The following MSI1 variants were observed in gnomAD, a reference collection of about 807,000 sequenced individuals.
MSI1 encodes the protein musashi RNA binding protein 1.
In MSI1, 15 loss-of-function variants were observed where a neutral mutation model predicts 54.4. The observed-to-expected ratio is 0.28, with a 90% CI of 0.18 to 0.42. The LOEUF (loss-of-function observed/expected upper bound fraction) is 0.42. MSI1 is among the 20% of genes least tolerant of loss of function. MSI1 has a pLI of 1.00. For synonymous variants in MSI1, 200 were observed against 196.5 expected (o/e 1.02, Z -0.15); for missense variants, 304 against 506.0 (o/e 0.60, Z 3.83).
chr12:120,351,749 C>T (rs1266469518), intron 10 of MSI1, among the ~76,000 whole-genome samples: 1 of 149,790 alleles, frequency 6.7e-6, no homozygotes, highest in Non-Finnish European at 1.5e-5. Flanking sequence ...CGCTCTGTCG[C>T]CCGGTCTGGA....
intron 5 of MSI1, 72 bp downstream of exon 5, chr12:120,364,642 G>C (rs1200318666): frequency 1.8e-5 from 26 of 1,418,468 alleles, no homozygotes; most frequent in Non-Finnish European, 2.5e-5. Context: ...TCCAGAGCAG[G>C]AAATACTGGG....
chr12:120,351,168 G>A (rs1411639595), intron 11 of MSI1, among the ~76,000 whole-genome samples, 176 bp downstream of exon 11: 1 of 152,062 alleles, frequency 6.6e-6, no homozygotes, highest in Non-Finnish European at 1.5e-5. Flanking sequence ...CCACCCTTAA[G>A]GGCCATGTAG....
intron 6 of MSI1, among the ~76,000 whole-genome samples, chr12:120,360,098 GC>G (rs1377936626): frequency 2.6e-5 from 4 of 152,160 alleles, no homozygotes; most frequent in Admixed American, 1.3e-4. Flanking sequence ...GAATTCTCCT[GC>G]CTCAGCCTCC....
chr12:120,342,822 A>AG lies in MSI1; in HGVS notation c.*304dup, dbSNP rs1186765810. ...TCCTAGGGGGGCGCGGCACGGAGGG[A>AG]GGGATGGACCAGAGGGCTGGGGTGG... On this transcript the variant is annotated 3_prime_UTR_variant, in exon 15 of 15. Coordinates refer to ENST00000257552, the MANE Select transcript of MSI1 (RefSeq NM_002442.4). The AG allele has an allele frequency of 9.3e-6, 1 of 107,708 alleles. No individual in the cohort carries two copies. Among genetic ancestry groups the AG allele is most frequent in the African/African-American group, 3.6e-5 (1 of 27,962 alleles). 6.7% of individuals were successfully genotyped at this position (107,708 alleles called of 1,614,324 possible). A position where few individuals can be genotyped will look rare whatever the true frequency, so the allele number is the denominator to read the frequency against.
Position 120,368,425 on chromosome 12 carries a change from C to T in MSI1, c.101-152G>A, listed in dbSNP as rs1372013353. ...CTGCCGCCGCCCCCCACCGCCCTCG[C>T]CCCGTTCCCGCTGAGCCTCCTGGCG... On this transcript the variant is annotated intron_variant, in intron 2 of 14. Transcript: ENST00000257552. This position sits in a 1 kb window ranked among gnomAD's most constrained non-coding sequence, Gnocchi z 6.6. 1 of 770,744 alleles carries T rather than the reference C, an allele frequency of 1.3e-6. No individual in the cohort carries two copies. The highest frequency in any genetic ancestry group is 1.9e-6 in the Non-Finnish European group (1 of 530,076). The allele number at this position is 770,744 out of a possible 1,614,324, so 47.7% of individuals were successfully genotyped here.
At chr12:120,339,941 C>T (rs995337984), downstream of MSI1, among the ~76,000 whole-genome samples, 6 of 151,482 alleles carry the variant, frequency 4.0e-5, no homozygotes, top group Admixed American at 1.3e-4. Context: ...ACCACACAAC[C>T]GGCTAATTTT....
At chr12:120,358,887 A>T in intron 7 of MSI1, 118 bp downstream of exon 7, 1 of 1,189,450 alleles carries the variant, frequency 8.4e-7, no homozygotes, top group Non-Finnish European at 1.2e-6. Flanking sequence ...GGCCTGGGAG[A>T]GGACGCAGAT....
chr12:120,348,052 C>T (rs530202742), intron 11 of MSI1, among the ~76,000 whole-genome samples: 3 of 152,260 alleles, frequency 2.0e-5, no homozygotes, highest in South Asian at 4.1e-4. Flanking sequence ...AGCGTTGCAC[C>T]GCACCTTCTG....
chr12:120,363,876 G>T (rs1875849698), intron 5 of MSI1, among the ~76,000 whole-genome samples: 1 of 152,128 alleles, frequency 6.6e-6, no homozygotes, highest in African/African-American at 2.4e-5. Flanking sequence ...TCACTGGCCC[G>T]GAATCTTAAA....
In MSI1 at chr12:120,365,602, G is replaced by A. The variant is rs566932916; in HGVS notation, c.268-847C>T. Among the ~76,000 whole-genome samples the A allele has an allele frequency of 5.3e-5, 8 of 152,308 alleles. No individual in the cohort carries two copies. In the South Asian group the frequency reaches 1.5e-3, roughly 28 times the overall value. On this transcript the variant is annotated intron_variant, in intron 4 of 14. Transcript: ENST00000257552. ...ACTCTTTGTCTGCAAAAGGCTACAA[G>A]CTGAGAGTTCATAACCATCAGGAGT... is the stretch of plus-strand genomic sequence containing the variant.
intron 10 of MSI1, among the ~76,000 whole-genome samples, chr12:120,351,712 T>A (rs1039087922): frequency 4.4e-4 from 5 of 11,360 alleles, no homozygotes; most frequent in Non-Finnish European, 7.4e-4. Context: ...TCTTTCTCTC[T>A]TTTTTTTTTT....
chr12:120,351,356 G>A lies in MSI1; in HGVS notation c.778C>T (p.Pro260Ser). ...RTPLPSAPVL[P>S]ELTAIPLTAY... ...CCGAGCGACTGACCTGTAAGCTCGG[G>A]GAGGACTGGGGCGCTCGGGAGAGGG... The change falls in exon 11 of 15, where the codon CCC becomes TCC. Residue 260 changes from proline (P) to serine (S), a missense_variant. By Grantham distance (74) the Pro-to-Ser change is moderately conservative. This residue lies in a region of MSI1 where 147 missense variants were observed against 231.5 expected (regional missense o/e 0.64). Coordinates refer to ENST00000257552, the MANE Select transcript of MSI1 (RefSeq NM_002442.4). 6.2e-7 allele frequency: 1 copy of A among 1,613,568 alleles called. No homozygotes were observed. Among genetic ancestry groups the A allele is most frequent in the Non-Finnish European group, 8.5e-7 (1 of 1,179,888 alleles).
At chr12:120,349,772 A>G (rs1874438446) in intron 11 of MSI1, among the ~76,000 whole-genome samples, 1 of 152,220 alleles carries the variant, frequency 6.6e-6, no homozygotes, top group Non-Finnish European at 1.5e-5. Context: ...GCCTGCCAAG[A>G]TATCTCTAAA....
chr12:120,346,329 A>C lies in MSI1; in HGVS notation c.860-7T>G. The C allele has an allele frequency of 2.6e-6, 4 of 1,521,562 alleles. No homozygotes were observed. The highest frequency in any genetic ancestry group is 3.5e-6 in the Non-Finnish European group (4 of 1,132,406). The allele number at this position is 1,521,562 out of a possible 1,614,324, so 94.3% of individuals were successfully genotyped here. A position where few individuals can be genotyped will look rare whatever the true frequency, so the allele number is the denominator to read the frequency against. On this transcript the variant is annotated splice_polypyrimidine_tract_variant and splice_region_variant and intron_variant, in intron 12 of 14. Transcript: ENST00000257552. ...ATCGTCCAGGGGTGAGAGCCTGGCA[A>C]CCCAGAAAGAAGACGGTGATAGCCC...
intron 11 of MSI1, among the ~76,000 whole-genome samples, chr12:120,349,644 G>C (rs1238308104): frequency 2.0e-5 from 3 of 152,160 alleles, no homozygotes; most frequent in African/African-American, 7.2e-5. Flanking sequence ...GTGGTGTCTG[G>C]TACAATGAAT....
At chr12:120,351,492 G>T in intron 10 of MSI1, 92 bp from the exon 11 acceptor site, 2 of 1,177,270 alleles carry the variant, frequency 1.7e-6, no homozygotes, top group South Asian at 1.3e-5. Flanking sequence ...GGGACACTGG[G>T]TGAGGAGACA....
At chr12:120,355,887 G>A (rs1423041173) in intron 9 of MSI1, among the ~76,000 whole-genome samples, 1 of 151,576 alleles carries the variant, frequency 6.6e-6, no homozygotes, top group Non-Finnish European at 1.5e-5. Context: ...AATTCCCAGA[G>A]TACCTCTCTG....
At chr12:120,346,496 C>T (rs1328031684) in intron 12 of MSI1, among the ~76,000 whole-genome samples, 174 bp from the exon 13 acceptor site, 1 of 151,722 alleles carries the variant, frequency 6.6e-6, no homozygotes, top group Non-Finnish European at 1.5e-5. Context: ...CTAGCCCTGA[C>T]CCCCATCATC....
At chr12:120,357,941 C>T (rs369938683) in intron 7 of MSI1, 43 bp from the exon 8 acceptor site, 68 of 1,583,262 alleles carry the variant, frequency 4.3e-5, no homozygotes, top group African/African-American at 3.8e-4. Flanking sequence ...AGAACCAGAG[C>T]GCAGGGTCAA....
Sources: allele counts gnomAD v4.1 joint callset (sites outside exome capture counted in the v4.1 genomes callset), GRCh38; gene constraint gnomAD v4.1.1; regional missense constraint gnomAD v4.1.1; non-coding constraint Gnocchi (gnomAD v3.1); transcripts MANE v1.5; gene names NCBI Gene and HGNC (gene_info 2026-07-23, HGNC 2026-07-21).